The following EMID1 variants were observed in gnomAD, a reference collection of about 807,000 sequenced individuals.
EMID1 encodes EMI domain containing 1.
A neutral mutation model predicts 60.6 loss-of-function variants in EMID1; 40 were observed. The observed-to-expected ratio is 0.66, with a 90% CI of 0.51 to 0.86. The LOEUF (loss-of-function observed/expected upper bound fraction) is 0.86. Among genes scored for constraint, EMID1 ranks in the 40% least tolerant of loss-of-function variants. The pLI, the probability that EMID1 is intolerant of heterozygous loss-of-function variation, is 0.00. For synonymous variants in EMID1, 242 were observed against 231.0 expected (o/e 1.05, Z -0.43); for missense variants, 585 against 597.1 (o/e 0.98, Z 0.21).
intron 3 of EMID1, among the ~76,000 whole-genome samples, chr22:29,218,565 T>C (rs531158353): frequency 4.6e-5 from 7 of 152,220 alleles, no homozygotes; most frequent in Non-Finnish European, 1.0e-4. Context: ...AGGGGTCACC[T>C]GGCTGCCTCT....
intron 1 of EMID1, among the ~76,000 whole-genome samples, chr22:29,209,107 C>T (rs759288979): frequency 1.1e-4 from 17 of 152,206 alleles, no homozygotes; most frequent in Non-Finnish European, 2.2e-4. Flanking sequence ...GCCCTTGGCC[C>T]CGGGCCCGCT....
chr22:29,233,948 A>C (rs550029259), intron 10 of EMID1, 189 bp from the exon 11 acceptor site: 18 of 693,524 alleles, frequency 2.6e-5, no homozygotes, highest in Non-Finnish European at 3.6e-5. Context: ...CTGTGGTGGG[A>C]CTGTCTGACT....
chr22:29,209,115 G>T, intron 1 of EMID1, among the ~76,000 whole-genome samples: 1 of 152,252 alleles, frequency 6.6e-6, no homozygotes, highest in South Asian at 2.1e-4. Flanking sequence ...CCCCGGGCCC[G>T]CTTGGCTGCC....
chr22:29,219,020 G>C (rs1045377614), intron 3 of EMID1, among the ~76,000 whole-genome samples: 2 of 152,142 alleles, frequency 1.3e-5, no homozygotes, highest in African/African-American at 4.8e-5. Flanking sequence ...CTCCGTGCTG[G>C]GCGCTGCAAG....
intron 1 of EMID1, among the ~76,000 whole-genome samples, chr22:29,212,619 A>G (rs1011071122): frequency 6.6e-6 from 1 of 151,186 alleles, no homozygotes; most frequent in Non-Finnish European, 1.5e-5. Flanking sequence ...GCTGGAATGC[A>G]ATGGTGCGAT....
chr22:29,245,848 A>G (rs968756887), intron 13 of EMID1, among the ~76,000 whole-genome samples: 26 of 152,298 alleles, frequency 1.7e-4, no homozygotes, highest in African/African-American at 5.8e-4. Context: ...TCCTTGGCAG[A>G]GCGGGAACTG....
Position 29,233,449 on chromosome 22 carries a change from AGGC to A in EMID1, c.895_897del (p.Gly299del). 6.2e-7 allele frequency: 1 copy of A among 1,614,144 alleles called. No individual in the cohort carries two copies. The stretch of plus-strand genomic sequence containing the variant: ...GGCCCCAGGGACCCACTGGGCCTCC[AGGC>A]CCTCCAGGGCCCATGGGTAAGTTGA... On this transcript the variant is annotated inframe_deletion, in exon 9 of 15. Coordinates refer to ENST00000334018, the MANE Select transcript of EMID1 (RefSeq NM_133455.4).
chr22:29,244,679 C>G (rs568817369), intron 13 of EMID1, among the ~76,000 whole-genome samples: 129 of 150,634 alleles, frequency 8.6e-4, no homozygotes, highest in African/African-American at 3.1e-3. Flanking sequence ...GAAACCTTCA[C>G]AATCATTGAA....
At position 29,246,440 on chromosome 22, in the gene EMID1, C is replaced by T. The variant is rs1380093324; in HGVS notation, c.1119+2951C>T. On this transcript the variant is annotated intron_variant, in intron 13 of 14. Coordinates refer to ENST00000334018, the MANE Select transcript of EMID1 (RefSeq NM_133455.4). The stretch of plus-strand genomic sequence containing the variant: ...AGAAAGACAGTAGGTCGGGGGCTGT[C>T]GTGGTCATCCTGGTGAGAGACTGAG... Among the ~76,000 whole-genome samples, 4 of 152,054 alleles carry T rather than the reference C, an allele frequency of 2.6e-5. No individual in the cohort carries two copies. In the South Asian group the frequency reaches 6.2e-4, roughly 24 times the overall value.
intron 3 of EMID1, chr22:29,216,286 C>T (rs2040080148): frequency 1.0e-6 from 1 of 984,724 alleles, no homozygotes; most frequent in Non-Finnish European, 1.2e-6. Flanking sequence ...GGAGCCTGGC[C>T]ACACTCTCCC....
At chr22:29,254,163 CT>C in intron 13 of EMID1, 39 bp from the exon 14 acceptor site, 1 of 1,612,832 alleles carries the variant, frequency 6.2e-7, no homozygotes, top group African/African-American at 1.3e-5. Context: ...GTCCCCTCCC[CT>C]GCCCCCTTCA....
At chr22:29,215,061 C>T in intron 2 of EMID1, 22 bp downstream of exon 2, 3 of 1,515,656 alleles carry the variant, frequency 2.0e-6, no homozygotes, top group Non-Finnish European at 2.7e-6. Flanking sequence ...GGAGAAGGAA[C>T]TGATGGCATT....
rs970029429 is a variant in EMID1 at position 29,259,057 on chromosome 22, T to C, written c.*113T>C. Reference sequence around the variant, plus strand: ...ATTTATTAATGTCCTCAGGGTCCCTTCTGCCATCTAGGCCTTAGGGGTAAG... The same window carrying C: ...ATTTATTAATGTCCTCAGGGTCCCTCCTGCCATCTAGGCCTTAGGGGTAAG... On this transcript the variant is annotated 3_prime_UTR_variant, in exon 15 of 15. Transcript: ENST00000334018. The C allele has an allele frequency of 1.3e-5, 20 of 1,482,878 alleles. No individual in the cohort carries two copies. In the African/African-American group the frequency reaches 2.6e-4, roughly 19 times the overall value. The allele number at this position is 1,482,878 out of a possible 1,614,324, so 91.9% of individuals were successfully genotyped here. A position where few individuals can be genotyped will look rare whatever the true frequency, so the allele number is the denominator to read the frequency against.
chr22:29,246,533 G>A (rs2041338027), intron 13 of EMID1, among the ~76,000 whole-genome samples: 1 of 152,150 alleles, frequency 6.6e-6, no homozygotes, highest in Admixed American at 6.6e-5. Context: ...CTTGTGTGCT[G>A]GTCTGGCTGC....
Position 29,233,618 on chromosome 22 carries a change from C to G in EMID1, c.918C>G (p.Pro306=). The change falls in exon 10 of 15, where the codon CCC becomes CCG. Residue 306 remains proline (P), a synonymous_variant. Transcript: ENST00000334018. ...GPPGPPGPMG[P]PGPPGPTGVP... The stretch of plus-strand genomic sequence containing the variant: ...GGACATCCTGTCTTTTTCCAGGTCC[C>G]CCTGGGCCTCCTGGCCCCACAGGTG... 6.2e-7 allele frequency: 1 copy of G among 1,613,786 alleles called. No individual in the cohort carries two copies. The highest frequency in any genetic ancestry group is 8.5e-7 in the Non-Finnish European group (1 of 1,179,756).
chr22:29,231,896 A>T (rs1400287367), intron 7 of EMID1: 7 of 560,554 alleles, frequency 1.2e-5, no homozygotes, highest in Middle Eastern at 9.4e-4. Context: ...ACCTACACTT[A>T]TCAGGCTCTG....
chr22:29,220,665 GA>G (rs1228865989), intron 3 of EMID1, among the ~76,000 whole-genome samples: 1 of 151,846 alleles, frequency 6.6e-6, no homozygotes, highest in Non-Finnish European at 1.5e-5. Context: ...TTCACACCCC[GA>G]ATCCCCAACT....
chr22:29,237,672 G>T (rs1158604409), intron 12 of EMID1, among the ~76,000 whole-genome samples: 1 of 143,738 alleles, frequency 7.0e-6, no homozygotes, highest in East Asian at 2.1e-4. Context: ...GTGCTGGCAG[G>T]TGCCTGTAGT....
chr22:29,218,239 C>G (rs889527339), intron 3 of EMID1, among the ~76,000 whole-genome samples: 11 of 152,258 alleles, frequency 7.2e-5, no homozygotes, highest in Non-Finnish European at 1.5e-4. Flanking sequence ...CTCTGAGACC[C>G]CACTTCACAG....
Sources: allele counts gnomAD v4.1 joint callset (sites outside exome capture counted in the v4.1 genomes callset), GRCh38; gene constraint gnomAD v4.1.1; transcripts MANE v1.5; gene names NCBI Gene and HGNC (gene_info 2026-07-23, HGNC 2026-07-21).